The following MAD1L1 variants were observed in gnomAD, a reference collection of about 807,000 sequenced individuals.
MAD1L1 encodes the protein mitotic spindle assembly checkpoint protein MAD1.
Under a neutral mutation model 96.9 loss-of-function variants are expected in MAD1L1, and 95 were observed. The observed-to-expected ratio is 0.98, with a 90% CI of 0.83 to 1.16. MAD1L1 has a LOEUF of 1.16. Among genes scored for constraint, MAD1L1 ranks in the 50% most tolerant of loss-of-function variants. The pLI is 0.00. For missense variants in MAD1L1, 1,007 were observed against 954.4 expected, an observed-to-expected ratio of 1.06 and a Z score of -0.73; for synonymous variants, 473 against 396.6, an observed-to-expected ratio of 1.19 and a Z score of -2.29.
At chr7:1,851,847 A>G (rs4719323) in intron 18 of MAD1L1, among the ~76,000 whole-genome samples, 96,932 of 152,038 alleles carry the variant, frequency 0.64, 31,170 homozygotes, top group South Asian at 0.79. Flanking sequence ...GGTGCTGCCC[A>G]GGGAGCTAGA....
chr7:1,913,128 T>C (rs969993236), intron 17 of MAD1L1, among the ~76,000 whole-genome samples: 1 of 152,186 alleles, frequency 6.6e-6, no homozygotes, highest in African/African-American at 2.4e-5. Context: ...CTTTTGGAGA[T>C]GTGGCAGTCT....
At chr7:1,986,754 G>T (rs1212658971) in intron 14 of MAD1L1, among the ~76,000 whole-genome samples, 1 of 152,152 alleles carries the variant, frequency 6.6e-6, no homozygotes, top group African/African-American at 2.4e-5. Flanking sequence ...ATTTGTAGAT[G>T]ATTTCCAGGA....
intron 11 of MAD1L1, among the ~76,000 whole-genome samples, chr7:2,120,244 G>A (rs773988292): frequency 2.2e-4 from 33 of 152,290 alleles, no homozygotes; most frequent in African/African-American, 6.7e-4. Flanking sequence ...TGGCTGCGGC[G>A]TGTGCTTACC....
intron 10 of MAD1L1, among the ~76,000 whole-genome samples, chr7:2,152,729 G>A (rs915752473): frequency 1.5e-4 from 23 of 152,130 alleles, no homozygotes; most frequent in Non-Finnish European, 3.1e-4. Flanking sequence ...AAAACCCTAC[G>A]GCACAGGTAC....
chr7:2,085,954 G>A (rs999259149), intron 11 of MAD1L1, among the ~76,000 whole-genome samples: 5 of 152,124 alleles, frequency 3.3e-5, no homozygotes, highest in Non-Finnish European at 7.3e-5. Flanking sequence ...GCCCACTCCC[G>A]CCAACTTCAC....
intron 18 of MAD1L1, among the ~76,000 whole-genome samples, chr7:1,820,812 G>A (rs1562424182): frequency 6.6e-6 from 1 of 151,944 alleles, no homozygotes; most frequent in African/African-American, 2.4e-5. Context: ...AGATTAAAAA[G>A]GGGGAACGCC....
chr7:2,062,997 C>T (rs1470475700), intron 12 of MAD1L1, among the ~76,000 whole-genome samples: 5 of 151,996 alleles, frequency 3.3e-5, no homozygotes, highest in Admixed American at 6.6e-5. Context: ...ATGGGAAAAG[C>T]GGAGCAATGT....
At chr7:2,151,300 C>T (rs116140235) in intron 10 of MAD1L1, among the ~76,000 whole-genome samples, 1 of 152,248 alleles carries the variant, frequency 6.6e-6, no homozygotes, top group Admixed American at 6.5e-5. Flanking sequence ...CGCCTCCCAG[C>T]CCCTGTGCCC....
intron 11 of MAD1L1, among the ~76,000 whole-genome samples, chr7:2,073,934 G>T (rs1051384347): frequency 5.3e-5 from 8 of 152,224 alleles, no homozygotes; most frequent in Non-Finnish European, 1.0e-4. Context: ...CGTCATCAGG[G>T]CCACATCCCC....
chr7:2,026,092 A>G (rs1466148197), intron 12 of MAD1L1, among the ~76,000 whole-genome samples: 1 of 152,200 alleles, frequency 6.6e-6, no homozygotes, highest in East Asian at 1.9e-4. Context: ...ATTTATAATG[A>G]AACAATTTAA....
chr7:2,005,765 C>A (rs951254204), intron 13 of MAD1L1, among the ~76,000 whole-genome samples: 1 of 152,126 alleles, frequency 6.6e-6, no homozygotes, highest in African/African-American at 2.4e-5. Flanking sequence ...TGGGCCACTG[C>A]ACTTCAGCCT....
At chr7:2,186,669 G>GT (rs1183302263) in intron 10 of MAD1L1, among the ~76,000 whole-genome samples, 2 of 152,344 alleles carry the variant, frequency 1.3e-5, no homozygotes, top group Non-Finnish European at 2.9e-5. Flanking sequence ...AGGATCACAT[G>GT]TGAGTCCAAC....
intron 18 of MAD1L1, among the ~76,000 whole-genome samples, chr7:1,879,863 T>C (rs1458961365): frequency 6.6e-6 from 1 of 152,178 alleles, no homozygotes; most frequent in Non-Finnish European, 1.5e-5. Context: ...CCCCAGTAGC[T>C]GGGACTACAG....
chr7:1,967,903 G>A (rs963567555), intron 15 of MAD1L1, among the ~76,000 whole-genome samples: 3 of 148,350 alleles, frequency 2.0e-5, no homozygotes, highest in Admixed American at 2.0e-4. Context: ...CACAGAGCAC[G>A]CGGGAAACTC....
At chr7:1,984,557 G>A (rs374089659) in intron 14 of MAD1L1, among the ~76,000 whole-genome samples, 1 of 152,138 alleles carries the variant, frequency 6.6e-6, no homozygotes, top group Admixed American at 6.5e-5. Flanking sequence ...TCCCAACAGC[G>A]GTGATGTGTT....
chr7:1,922,262 G>A (rs979160961), intron 17 of MAD1L1, among the ~76,000 whole-genome samples: 5 of 152,240 alleles, frequency 3.3e-5, no homozygotes, highest in African/African-American at 9.6e-5. Flanking sequence ...TGCACCCCAC[G>A]AGCCACGAAG....
chr7:1,961,662 A>G (rs1779954230), intron 15 of MAD1L1, among the ~76,000 whole-genome samples: 1 of 152,262 alleles, frequency 6.6e-6, no homozygotes, highest in Non-Finnish European at 1.5e-5. Flanking sequence ...TTTCTTAGCT[A>G]TGATACCTGA....
At chr7:1,958,967 A>C (rs894088598) in intron 15 of MAD1L1, among the ~76,000 whole-genome samples, 1 of 152,200 alleles carries the variant, frequency 6.6e-6, no homozygotes, top group Non-Finnish European at 1.5e-5. Context: ...AACAAAACAC[A>C]GAGGCCAGGC....
intron 18 of MAD1L1, among the ~76,000 whole-genome samples, chr7:1,855,797 C>G (rs1217153807): frequency 1.3e-5 from 2 of 152,202 alleles, no homozygotes; most frequent in African/African-American, 2.4e-5. Context: ...CAGCCTCTCC[C>G]ACTCCCCAGC....
Sources: gnomAD v4.1 joint callset for allele counts (sites outside exome capture counted in the v4.1 genomes callset) on GRCh38, gnomAD v4.1.1 for gene constraint, MANE v1.5 for transcripts, NCBI Gene and HGNC (gene_info 2026-07-23, HGNC 2026-07-21) for gene names.